SULT6B1: variants seen among roughly 807,000 people sequenced by gnomAD.
The protein encoded by SULT6B1 is sulfotransferase 6B1.
Under a neutral mutation model 37.2 loss-of-function variants are expected in SULT6B1, and 44 were observed. That is an observed-to-expected ratio of 1.18 (90% CI 0.93 to 1.52). The LOEUF (loss-of-function observed/expected upper bound fraction) is 1.52. Ranked by LOEUF, SULT6B1 falls within the 40% of genes most tolerant of loss-of-function variation. The probability of loss-of-function intolerance (pLI) is 0.00; values close to 1 mark genes in which losing one functional copy is unlikely to be tolerated. For synonymous variants in SULT6B1, 140 were observed against 126.0 expected (o/e 1.11, Z -0.74); for missense variants, 450 against 361.0 (o/e 1.25, Z -2.00).
chr2:37,193,597 A>AAAGAAGAAGAAGAAGAAG (rs70949740), upstream of SULT6B1, among the ~76,000 whole-genome samples: 4,147 of 113,724 alleles, frequency 0.036, 139 homozygotes, highest in Non-Finnish European at 0.048. Context: ...AGAAGAAGAA[A>AAAGAAGAAGAAGAAGAAG]AAGAAGAAGA....
intron 3 of SULT6B1, among the ~76,000 whole-genome samples, chr2:37,182,287 T>A (rs902763196): frequency 6.7e-6 from 1 of 150,208 alleles, no homozygotes; most frequent in Non-Finnish European, 1.5e-5. Flanking sequence ...AAGGTCTCGC[T>A]CTGCCGCCCA....
At chr2:37,193,651 G>GAAGAA (rs1553345846), upstream of SULT6B1, among the ~76,000 whole-genome samples, 23 of 113,572 alleles carry the variant, frequency 2.0e-4, 1 homozygote, top group African/African-American at 7.4e-4. Context: ...AGAAGAAGAA[G>GAAGAA]GAGAAGAAGG....
chr2:37,187,409 C>T lies in SULT6B1; in HGVS notation c.258G>A (p.Lys86=), dbSNP rs1482614095. The change falls in exon 2 of 7, where the codon AAG becomes AAA. Residue 86 remains lysine (K), a synonymous_variant. Coordinates refer to ENST00000535679, the MANE Select transcript of SULT6B1 (RefSeq NM_001367551.1). The part of the protein sequence containing the change: ...SELIYAVSKK[K]YKYPEFPVLE... ...GAACTGGGAATTCTGGATATTTATA[C>T]TTTTTTTTAGAAACAGCATATATTA... The T allele has an allele frequency of 1.2e-6, 2 of 1,605,570 alleles. No individual in the cohort carries two copies. The highest frequency in any genetic ancestry group is 1.7e-5 in the Admixed American group (1 of 59,762).
chr2:37,181,570 G>A (rs2148293900), intron 3 of SULT6B1, among the ~76,000 whole-genome samples: 2 of 152,070 alleles, frequency 1.3e-5, no homozygotes, highest in South Asian at 4.2e-4. Flanking sequence ...TGTAGAGACA[G>A]GGGTCTCACT....
chr2:37,180,281 G>T (rs1676522369), intron 3 of SULT6B1, among the ~76,000 whole-genome samples: 2 of 152,192 alleles, frequency 1.3e-5, no homozygotes, highest in African/African-American at 4.8e-5. Flanking sequence ...AACATGTGAG[G>T]CCAGACAACT....
At chr2:37,175,482 A>C (rs1288805034) in intron 4 of SULT6B1, among the ~76,000 whole-genome samples, 2 of 152,218 alleles carry the variant, frequency 1.3e-5, no homozygotes, top group Non-Finnish European at 2.9e-5. Flanking sequence ...ATTTATAAAA[A>C]CTATAAGACA....
chr2:37,182,471 A>G (rs1206537455), intron 3 of SULT6B1, among the ~76,000 whole-genome samples: 1 of 152,006 alleles, frequency 6.6e-6, no homozygotes, highest in Non-Finnish European at 1.5e-5. Flanking sequence ...AAAGTAATTC[A>G]AAAAACGCAA....
At chr2:37,178,143 C>G (rs954474374) in intron 4 of SULT6B1, among the ~76,000 whole-genome samples, 1 of 152,084 alleles carries the variant, frequency 6.6e-6, no homozygotes, top group African/African-American at 2.4e-5. Context: ...CTCCTGGATT[C>G]AAACAATTCT....
At chr2:37,190,091 C>T (rs1208136613), upstream of SULT6B1, 2 of 152,194 alleles carry the variant, frequency 1.3e-5, no homozygotes, top group Non-Finnish European at 2.9e-5. Flanking sequence ...GTTTGAGCCA[C>T]TGAATTATTG....
intron 1 of SULT6B1, 123 bp downstream of exon 1, chr2:37,188,319 T>C: frequency 1.3e-6 from 1 of 757,438 alleles, no homozygotes; most frequent in Non-Finnish European, 2.2e-6. Flanking sequence ...GTGGCCCTCC[T>C]CCTCACTGAT....
chr2:37,179,375 C>G, intron 4 of SULT6B1, 83 bp downstream of exon 4: 1 of 1,565,136 alleles, frequency 6.4e-7, no homozygotes, highest in Non-Finnish European at 8.7e-7. Context: ...AATCTTCTTC[C>G]TTTACCCTAA....
At chr2:37,181,589 A>G (rs1337356396) in intron 3 of SULT6B1, among the ~76,000 whole-genome samples, 1 of 150,292 alleles carries the variant, frequency 6.7e-6, no homozygotes, top group Non-Finnish European at 1.5e-5. Context: ...CTATGTTGCC[A>G]AGGCTGGTCT....
At chr2:37,194,159 C>T (rs911201809) in intron 1 of SULT6B1, among the ~76,000 whole-genome samples, 29 of 152,032 alleles carry the variant, frequency 1.9e-4, no homozygotes, top group Admixed American at 1.6e-3. Flanking sequence ...TAGTTCTCAT[C>T]CACATTGACT....
chr2:37,194,132 G>C (rs1379292076), intron 1 of SULT6B1, among the ~76,000 whole-genome samples: 1 of 151,020 alleles, frequency 6.6e-6, no homozygotes, highest in Non-Finnish European at 1.5e-5. Context: ...ATTTGATGTA[G>C]TTGAAGATTC....
rs780304030 is a variant in SULT6B1, at chr2:37,176,294, ACT to A, written c.530-1070_530-1069del. On this transcript the variant is annotated intron_variant, in intron 4 of 6. Coordinates refer to ENST00000535679, the MANE Select transcript of SULT6B1 (RefSeq NM_001367551.1). ...TTTTTTTTTTTTGAGATGGAGTCTCACTCTGTCACCCCGGCTGGAGTGCAGTG... is the reference window on the plus strand; with the variant it reads ...TTTTTTTTTTTTGAGATGGAGTCTCACTGTCACCCCGGCTGGAGTGCAGTG... 6.2e-5 allele frequency among the ~76,000 whole-genome samples: 7 copies of A among 113,072 alleles called. No individual in the cohort carries two copies. The South Asian group carries it at 8.1e-4, about 13-fold the overall frequency. The allele number at this position is 113,072 out of a possible 152,430, so 74.2% of individuals were successfully genotyped here. A position where few individuals can be genotyped will look rare whatever the true frequency, so the allele number is the denominator to read the frequency against.
At chr2:37,169,760 T>C (rs1163954795) in intron 6 of SULT6B1, among the ~76,000 whole-genome samples, 1 of 152,206 alleles carries the variant, frequency 6.6e-6, no homozygotes, top group Non-Finnish European at 1.5e-5. Flanking sequence ...CCCAAAGTGC[T>C]GGGATTACAG....
chr2:37,185,543 C>A (rs533089284), intron 2 of SULT6B1, among the ~76,000 whole-genome samples: 3 of 151,690 alleles, frequency 2.0e-5, no homozygotes, highest in African/African-American at 7.3e-5. Context: ...ATGACGAAAC[C>A]CCGTCTCTAC....
At chr2:37,188,756 C>T (rs1291279573), upstream of SULT6B1, 1 of 516,818 alleles carries the variant, frequency 1.9e-6, no homozygotes, top group African/African-American at 1.9e-5. Context: ...AAAAAGAAAT[C>T]ATTTAATTCT....
upstream of SULT6B1, among the ~76,000 whole-genome samples, chr2:37,190,366 T>C (rs377604356): frequency 2.0e-5 from 3 of 152,268 alleles, no homozygotes; most frequent in East Asian, 1.9e-4. Context: ...GTGAAGAAGA[T>C]GACTTCTAGT....
Sources: allele counts gnomAD v4.1 joint callset (sites outside exome capture counted in the v4.1 genomes callset), GRCh38; gene constraint gnomAD v4.1.1; transcripts MANE v1.5; gene names NCBI Gene and HGNC (gene_info 2026-07-23, HGNC 2026-07-21).